Variants in MIPOL1 observed in about 807,000 individuals in gnomAD.
MIPOL1 encodes mirror-image polydactyly gene 1 protein.
In MIPOL1, 57 loss-of-function variants were observed where a neutral mutation model predicts 60.9. The ratio of observed to expected loss-of-function variants is 0.94; its 90% CI spans 0.76 to 1.17. The LOEUF (loss-of-function observed/expected upper bound fraction) is 1.17, where lower values mean the gene tolerates loss of function less well. Among genes scored for constraint, MIPOL1 ranks in the 50% most tolerant of loss-of-function variants. MIPOL1 has a pLI of 0.00. For missense variants in MIPOL1, 551 were observed against 511.6 expected (o/e 1.08, Z -0.74); for synonymous variants, 179 against 168.8 (o/e 1.06, Z -0.47).
At chr14:37,295,501 C>T (rs182856657) in intron 7 of MIPOL1, among the ~76,000 whole-genome samples, 2 of 152,276 alleles carry the variant, frequency 1.3e-5, no homozygotes, top group Middle Eastern at 3.4e-3. Flanking sequence ...TTAAAAGGCA[C>T]AGACTGGCAA....
intron 6 of MIPOL1, chr14:37,276,480 A>G (rs1326380515): frequency 1.3e-5 from 2 of 151,024 alleles, no homozygotes; most frequent in South Asian, 2.1e-4. Context: ...AAGACACCCC[A>G]GTGGATTAAA....
intron 3 of MIPOL1, among the ~76,000 whole-genome samples, chr14:37,253,850 T>G (rs1429873727): frequency 6.6e-6 from 1 of 151,768 alleles, no homozygotes; most frequent in Admixed American, 6.6e-5. Flanking sequence ...GTATTGAAAT[T>G]CCAGTTGCAA....
At chr14:37,260,103 A>C (rs1256783441) in intron 3 of MIPOL1, among the ~76,000 whole-genome samples, 3 of 151,776 alleles carry the variant, frequency 2.0e-5, no homozygotes, top group African/African-American at 7.3e-5. Context: ...TCTTTAGCTG[A>C]TTTTCTAATT....
In MIPOL1 at chr14:37,198,085, C is replaced by T. The variant is rs1285081776; in HGVS notation, c.-218C>T. ...AAGCGCGCAGTGTCGACTCCCCGGT[C>T]TATGCCAGGCGCATCTCAGGTAAAC... On this transcript the variant is annotated 5_prime_UTR_variant, in exon 1 of 13. Coordinates refer to ENST00000684589, the MANE Select transcript of MIPOL1 (RefSeq NM_001388067.1). The T allele has an allele frequency of 1.3e-5, 2 of 152,360 alleles. No individual in the cohort carries two copies. Among genetic ancestry groups the T allele is most frequent in the African/African-American group, 2.4e-5 (1 of 41,470 alleles). 9.4% of individuals were successfully genotyped at this position (152,360 alleles called of 1,614,324 possible).
intron 3 of MIPOL1, among the ~76,000 whole-genome samples, chr14:37,258,932 A>G (rs1975420895): frequency 6.6e-6 from 1 of 152,136 alleles, no homozygotes; most frequent in Non-Finnish European, 1.5e-5. Flanking sequence ...CAGTAAAAGA[A>G]TTTTCATGAA....
intron 9 of MIPOL1, among the ~76,000 whole-genome samples, chr14:37,356,261 A>C (rs545305863): frequency 7.9e-5 from 12 of 151,774 alleles, no homozygotes; most frequent in East Asian, 2.0e-4. Flanking sequence ...TCAGTCTGCC[A>C]GTTCTCAGAT....
chr14:37,220,358 A>G (rs1430104943), intron 1 of MIPOL1, among the ~76,000 whole-genome samples: 4 of 152,180 alleles, frequency 2.6e-5, no homozygotes, highest in African/African-American at 7.2e-5. Context: ...TATTTTTTGA[A>G]GTATGACAAA....
intron 9 of MIPOL1, among the ~76,000 whole-genome samples, chr14:37,318,462 T>TA (rs2088177740): frequency 6.6e-6 from 1 of 152,210 alleles, no homozygotes; most frequent in Non-Finnish European, 1.5e-5. Flanking sequence ...TTTTTTCCCT[T>TA]GTCAGTTTGT....
Position 37,484,993 on chromosome 14 carries a change from T to A in MIPOL1, c.1032-14915T>A, listed in dbSNP as rs184872849. ...ATTTCTCCTAATGCTATCCTCCCCT[T>A]CCCCTCCACCCCCTGACAAGCCCCA... On this transcript the variant is annotated intron_variant, in intron 11 of 12. Coordinates refer to ENST00000684589, the MANE Select transcript of MIPOL1 (RefSeq NM_001388067.1). 5.5e-4 allele frequency among the ~76,000 whole-genome samples: 84 copies of A among 152,222 alleles called. 2 individuals are homozygous for A. The highest frequency in any genetic ancestry group is 5.5e-3 in the Admixed American group (84 of 15,276).
At chr14:37,478,652 A>G (rs911965048) in intron 11 of MIPOL1, among the ~76,000 whole-genome samples, 5 of 152,316 alleles carry the variant, frequency 3.3e-5, no homozygotes, top group Non-Finnish European at 4.4e-5. Context: ...AGACCCAACT[A>G]TATGCTATCT....
intron 1 of MIPOL1, among the ~76,000 whole-genome samples, chr14:37,199,320 A>G (rs1001873360): frequency 6.6e-6 from 1 of 152,118 alleles, no homozygotes; most frequent in Non-Finnish European, 1.5e-5. Flanking sequence ...TTCACCTATT[A>G]TTTACTTTAT....
At chr14:37,410,016 C>T (rs2093655565) in intron 10 of MIPOL1, among the ~76,000 whole-genome samples, 1 of 152,110 alleles carries the variant, frequency 6.6e-6, no homozygotes, top group Non-Finnish European at 1.5e-5. Flanking sequence ...TGGAAGATAT[C>T]TATCCACAGC....
At chr14:37,551,545 G>A (rs971137506), downstream of MIPOL1, 5 of 151,896 alleles carry the variant, frequency 3.3e-5, no homozygotes, top group Admixed American at 6.6e-5. Flanking sequence ...AATATGGTTA[G>A]AAAGAACATA....
intron 9 of MIPOL1, among the ~76,000 whole-genome samples, chr14:37,316,050 C>A (rs1175913262): frequency 2.7e-5 from 4 of 148,446 alleles, no homozygotes; most frequent in African/African-American, 1.0e-4. Context: ...TTTTTGAGAC[C>A]GAATCTTGCT....
At chr14:37,363,149 A>G (rs2092340972) in intron 9 of MIPOL1, among the ~76,000 whole-genome samples, 1 of 152,048 alleles carries the variant, frequency 6.6e-6, no homozygotes. Context: ...GCTTTGTTTC[A>G]TTGCTGGTGA....
chr14:37,261,321 T>C (rs2082507043), intron 3 of MIPOL1, among the ~76,000 whole-genome samples: 1 of 152,000 alleles, frequency 6.6e-6, no homozygotes. Context: ...GATACATTAG[T>C]ATTTCTGAGA....
intron 9 of MIPOL1, among the ~76,000 whole-genome samples, chr14:37,358,334 A>C (rs2091988831): frequency 6.6e-6 from 1 of 152,178 alleles, no homozygotes; most frequent in Admixed American, 6.5e-5. Flanking sequence ...CATGATTTAT[A>C]ATCCTTTGGG....
chr14:37,384,011 A>G (rs761322200), intron 10 of MIPOL1, among the ~76,000 whole-genome samples: 1 of 152,048 alleles, frequency 6.6e-6, no homozygotes, highest in South Asian at 2.1e-4. Context: ...ATATAAACCA[A>G]CAAAAGCAAG....
intron 3 of MIPOL1, among the ~76,000 whole-genome samples, chr14:37,257,554 G>A (rs532444001): frequency 6.6e-6 from 1 of 152,138 alleles, no homozygotes; most frequent in East Asian, 1.9e-4. Flanking sequence ...TCTGCCAAAG[G>A]CAGGTTTCAT....
Sources: allele counts gnomAD v4.1 joint callset (sites outside exome capture counted in the v4.1 genomes callset), GRCh38; gene constraint gnomAD v4.1.1; transcripts MANE v1.5; gene names NCBI Gene and HGNC (gene_info 2026-07-23, HGNC 2026-07-21).